The following DYM variants were observed in gnomAD, a reference collection of about 807,000 sequenced individuals.
The protein encoded by DYM is dymeclin.
In DYM, 78 loss-of-function variants were observed where a neutral mutation model predicts 93.1. The observed-to-expected ratio is 0.84, with a 90% CI of 0.70 to 1.01. The LOEUF (loss-of-function observed/expected upper bound fraction) is 1.01. Among genes scored for constraint, DYM ranks in the 50% least tolerant of loss-of-function variants. DYM has a pLI of 0.00. For synonymous variants in DYM, 321 were observed against 319.7 expected, an observed-to-expected ratio of 1.00 and a Z score of -0.04; for missense variants, 789 against 845.0, an observed-to-expected ratio of 0.93 and a Z score of 0.82.
chr18:49,202,410 G>A (rs1360846331), intron 14 of DYM, among the ~76,000 whole-genome samples: 1 of 148,814 alleles, frequency 6.7e-6, no homozygotes, highest in Non-Finnish European at 1.5e-5. Flanking sequence ...CTGCCCGGCC[G>A]CCACCCCGTC....
chr18:49,216,064 C>T (rs553171883), intron 13 of DYM, among the ~76,000 whole-genome samples: 57 of 152,292 alleles, frequency 3.7e-4, no homozygotes, highest in Admixed American at 1.3e-3. Flanking sequence ...TGCGCTTTTC[C>T]GATGGGCTTA....
intron 6 of DYM, among the ~76,000 whole-genome samples, chr18:49,350,752 C>G (rs1390474529): frequency 1.4e-5 from 2 of 146,544 alleles, no homozygotes; most frequent in Admixed American, 1.4e-4. Flanking sequence ...ACAAGAAACA[C>G]TTTTTATGCG....
intron 2 of DYM, among the ~76,000 whole-genome samples, chr18:49,406,174 T>A (rs1323000320): frequency 6.6e-6 from 1 of 152,210 alleles, no homozygotes; most frequent in Non-Finnish European, 1.5e-5. Flanking sequence ...TGGTTTGACT[T>A]CTTCTTTTCC....
In DYM at chr18:49,185,850, T is replaced by C. The variant is rs966583820; in HGVS notation, c.1626-22063A>G. ...ACTCAAGCCTAGGCAGCCTGACTCA[T>C]AGCCTAAGCACCATATGCACAATGC... is the stretch of plus-strand genomic sequence containing the variant. On this transcript the variant is annotated intron_variant, in intron 14 of 17. Transcript: ENST00000675505. Among the ~76,000 whole-genome samples, 11 of 152,290 alleles carry C rather than the reference T, an allele frequency of 7.2e-5. No individual in the cohort carries two copies. The East Asian group carries it at 1.2e-3, about 16-fold the overall frequency.
chr18:49,324,138 CAAAAAAAAAAAAAAA>C (rs59640889), intron 8 of DYM, among the ~76,000 whole-genome samples: 9 of 54,440 alleles, frequency 1.7e-4, no homozygotes, highest in Admixed American at 8.7e-4. Flanking sequence ...GGCTCTGTCT[CAAAAAAAAAAAAAAA>C]AAAAAAAAAA....
intron 13 of DYM, among the ~76,000 whole-genome samples, chr18:49,247,805 G>C (rs891187975): frequency 2.6e-5 from 4 of 152,136 alleles, no homozygotes; most frequent in Admixed American, 2.6e-4. Flanking sequence ...TTTTCTACTG[G>C]AAACTTATAA....
chr18:49,079,106 T>A (rs1265422180), intron 17 of DYM, among the ~76,000 whole-genome samples: 1 of 152,256 alleles, frequency 6.6e-6, no homozygotes, highest in Non-Finnish European at 1.5e-5. Context: ...CAACTGTCTG[T>A]CTTTTTTCCA....
At chr18:49,182,781 T>A (rs1180867081) in intron 14 of DYM, among the ~76,000 whole-genome samples, 3 of 152,214 alleles carry the variant, frequency 2.0e-5, no homozygotes, top group African/African-American at 7.2e-5. Flanking sequence ...GAACTCTCAA[T>A]ACTCACAGGG....
At chr18:49,297,309 CAAAT>C (rs1445727445) in intron 8 of DYM, among the ~76,000 whole-genome samples, 4 of 152,044 alleles carry the variant, frequency 2.6e-5, no homozygotes, top group Non-Finnish European at 4.4e-5. Flanking sequence ...ATGAATTTCA[CAAAT>C]AAACGAAGTA....
intron 14 of DYM, among the ~76,000 whole-genome samples, chr18:49,188,123 T>C (rs1257109019): frequency 6.6e-6 from 1 of 152,250 alleles, no homozygotes. Flanking sequence ...CTGAGTTAAC[T>C]ATAAAGCAAT....
At chr18:49,323,901 T>G (rs2957171) in intron 8 of DYM, among the ~76,000 whole-genome samples, 111,944 of 152,076 alleles carry the variant, frequency 0.74, 41,139 homozygotes, top group Admixed American at 0.76. Context: ...TAATTCCAGC[T>G]CCAAGGCGGG....
At chr18:49,092,008 A>C (rs1005981145) in intron 17 of DYM, among the ~76,000 whole-genome samples, 1 of 152,114 alleles carries the variant, frequency 6.6e-6, no homozygotes, top group African/African-American at 2.4e-5. Flanking sequence ...AAAAAAGAAA[A>C]CAGAATAGGC....
intron 17 of DYM, among the ~76,000 whole-genome samples, chr18:49,078,287 G>T (rs1457633480): frequency 1.3e-5 from 2 of 152,042 alleles, no homozygotes; most frequent in Admixed American, 1.3e-4. Context: ...TGCTTGAGGG[G>T]ATGGATACCC....
At chr18:49,409,735 C>A (rs1426612037) in intron 2 of DYM, among the ~76,000 whole-genome samples, 1 of 152,188 alleles carries the variant, frequency 6.6e-6, no homozygotes, top group African/African-American at 2.4e-5. Context: ...CATGGACCAT[C>A]TAATAAACTA....
chr18:49,383,985 A>G lies in DYM; in HGVS notation c.194-4227T>C, dbSNP rs185754359. On this transcript the variant is annotated intron_variant, in intron 3 of 17. Coordinates refer to ENST00000675505, the MANE Select transcript of DYM (RefSeq NM_001353214.3). ...TAGACAACAGGAAAATTAATCACCT[A>G]TTTTTTAAAAAAGAACAGAAATCCA... Among the ~76,000 whole-genome samples, 4 of 152,280 alleles carry G rather than the reference A, an allele frequency of 2.6e-5. No individual in the cohort carries two copies. In the East Asian group the frequency reaches 7.7e-4, roughly 29 times the overall value.
chr18:49,055,784 A>G (rs1319311620), intron 17 of DYM, among the ~76,000 whole-genome samples: 1 of 152,216 alleles, frequency 6.6e-6, no homozygotes, highest in African/African-American at 2.4e-5. Context: ...TTCTTGGACA[A>G]AGGTCTCCCC....
rs573580239 is a variant in DYM at position 49,054,574 on chromosome 18, A to G, written c.2026-10370T>C. Among the ~76,000 whole-genome samples, 3 of 152,370 alleles carry G rather than the reference A, an allele frequency of 2.0e-5. No homozygotes were observed. In the South Asian group the frequency reaches 6.2e-4, roughly 32 times the overall value. Reference sequence around the variant, plus strand: ...AAATTTAAAATATAGGAAATTATAAAGGACCACTTATTAGAAGTTACAAGT... The same window carrying G: ...AAATTTAAAATATAGGAAATTATAAGGGACCACTTATTAGAAGTTACAAGT... On this transcript the variant is annotated intron_variant, in intron 17 of 17. Transcript: ENST00000675505.
chr18:49,260,086 C>G (rs2094465940), intron 11 of DYM, among the ~76,000 whole-genome samples: 1 of 152,048 alleles, frequency 6.6e-6, no homozygotes. Flanking sequence ...AATCACAGAA[C>G]AAAAGCAAAG....
intron 8 of DYM, among the ~76,000 whole-genome samples, chr18:49,291,069 T>C (rs1037086663): frequency 2.0e-5 from 3 of 152,298 alleles, no homozygotes; most frequent in Middle Eastern, 6.8e-3. Context: ...TCTGATTATA[T>C]CGAGGACCAT....
Sources: gnomAD v4.1 joint callset for allele counts (sites outside exome capture counted in the v4.1 genomes callset) on GRCh38, gnomAD v4.1.1 for gene constraint, MANE v1.5 for transcripts, NCBI Gene and HGNC (gene_info 2026-07-23, HGNC 2026-07-21) for gene names.